IGF2R: variants seen among roughly 807,000 people sequenced by gnomAD.
IGF2R encodes insulin like growth factor 2 receptor.
Under a neutral mutation model 270.6 loss-of-function variants are expected in IGF2R, and 91 were observed. The ratio of observed to expected loss-of-function variants is 0.34; its 90% CI spans 0.28 to 0.40. IGF2R has a LOEUF of 0.40. IGF2R is among the 10% of genes least tolerant of loss of function. The pLI is 1.00. For missense variants in IGF2R, 2,805 were observed against 3,188.3 expected (o/e 0.88, Z 2.90); for synonymous variants, 1,316 against 1,258.9 (o/e 1.05, Z -0.96).
Position 160,064,513 on chromosome 6 carries a change from T to C in IGF2R, c.3999T>C (p.Cys1333=). 1 of 1,614,184 alleles carries C rather than the reference T, an allele frequency of 6.2e-7. No individual in the cohort carries two copies. The highest frequency in any genetic ancestry group is 8.5e-7 in the Non-Finnish European group (1 of 1,180,026). ...GCTCCACAGCCATCTTCTTCTACTG[T>C]GACCGCGGCACCCAGCGGGTGAGCA... ...YQRSTAIFFY[C]DRGTQRPVFL... is the part of the protein sequence containing the mutation. Residue 1333 remains cysteine, a synonymous_variant, in exon 28 of 48, where the codon TGT becomes TGC. Transcript: ENST00000356956.
At chr6:160,003,781 A>G (rs1321976956) in intron 2 of IGF2R, 5 of 152,192 alleles carry the variant, frequency 3.3e-5, no homozygotes, top group Non-Finnish European at 5.9e-5. Flanking sequence ...GAAAAAAGCA[A>G]TGGCTAAGTA....
intron 2 of IGF2R, among the ~76,000 whole-genome samples, chr6:160,002,832 A>G (rs1311656549): frequency 1.3e-5 from 2 of 152,206 alleles, no homozygotes; most frequent in African/African-American, 2.4e-5. Context: ...TTTGGATTGG[A>G]GTTATATTAA....
intron 10 of IGF2R, among the ~76,000 whole-genome samples, chr6:160,036,087 G>A (rs1295283236): frequency 6.6e-6 from 1 of 152,180 alleles, no homozygotes; most frequent in East Asian, 1.9e-4. Flanking sequence ...GTGCAGTATT[G>A]TAAGAAACTT....
In IGF2R at chr6:160,109,074, C is replaced by A. The variant is rs1779688042; in HGVS notation, c.*3990C>A. ...CCTTTTATGCTATCTTGTAGTTTGA[C>A]CAGTTTGCAAAACAAATTGAATAAA... On this transcript the variant is annotated 3_prime_UTR_variant, in exon 48 of 48. Coordinates refer to ENST00000356956, the MANE Select transcript of IGF2R (RefSeq NM_000876.4). 1 of 152,180 alleles carries A rather than the reference C, an allele frequency of 6.6e-6. No homozygotes were observed. The highest frequency in any genetic ancestry group is 6.5e-5 in the Admixed American group (1 of 15,290). 9.4% of individuals were successfully genotyped at this position (152,180 alleles called of 1,614,324 possible).
In IGF2R at chr6:160,068,345, C is replaced by A. The variant is rs1317300065; in HGVS notation, c.4212C>A (p.Leu1404=). 1 of 1,614,264 alleles carries A rather than the reference C, an allele frequency of 6.2e-7. No individual in the cohort carries two copies. The highest frequency in any genetic ancestry group is 1.1e-5 in the South Asian group (1 of 91,084). Residue 1404 remains leucine, a synonymous_variant, in exon 30 of 48, where the codon CTC becomes CTA. Coordinates refer to ENST00000356956, the MANE Select transcript of IGF2R (RefSeq NM_000876.4). ...GGACGGGGGACCCGGAGCACTACCT[C>A]ATCAATGTCTGCAAGTCTCTGGCCC... ...ITGTGDPEHY[L]INVCKSLAPQ... is the part of the protein sequence containing the mutation.
At position 159,969,144 on chromosome 6, in the gene IGF2R, C is replaced by A; in HGVS notation, c.-103C>A. ...TCACCTCGGGCTCCCGCTCCGTCTC[C>A]ACCTCCGCCTTTGCCCTGGCGGCGC... On this transcript the variant is annotated 5_prime_UTR_variant, in exon 1 of 48. Coordinates refer to ENST00000356956, the MANE Select transcript of IGF2R (RefSeq NM_000876.4). 1 of 648,268 alleles carries A rather than the reference C, an allele frequency of 1.5e-6. No homozygotes were observed. Among genetic ancestry groups the A allele is most frequent in the Non-Finnish European group, 1.9e-6 (1 of 523,028 alleles). 40.2% of individuals were successfully genotyped at this position (648,268 alleles called of 1,614,324 possible).
intron 45 of IGF2R, among the ~76,000 whole-genome samples, chr6:160,098,962 G>A (rs1469042991): frequency 6.6e-6 from 1 of 152,190 alleles, no homozygotes; most frequent in South Asian, 2.1e-4. Flanking sequence ...TTGACTTCCT[G>A]CAATAGTAGA....
intron 1 of IGF2R, among the ~76,000 whole-genome samples, chr6:159,987,091 T>C (rs1291542616): frequency 6.6e-6 from 1 of 152,240 alleles, no homozygotes; most frequent in Non-Finnish European, 1.5e-5. Flanking sequence ...ATTTTAAGAA[T>C]GATTTTAGCT....
intron 14 of IGF2R, among the ~76,000 whole-genome samples, chr6:160,046,203 C>T (rs1778065710): frequency 6.6e-6 from 1 of 152,210 alleles, no homozygotes. Flanking sequence ...TAATATCATG[C>T]TCGTCCTACT....
intron 35 of IGF2R, among the ~76,000 whole-genome samples, chr6:160,075,126 A>T (rs1364396368): frequency 1.3e-5 from 2 of 149,780 alleles, no homozygotes; most frequent in Admixed American, 6.8e-5. Flanking sequence ...ATGCACACAC[A>T]CGTGCATGCA....
rs546305033 is a variant in IGF2R at position 160,084,684 on chromosome 6, G to A, written c.6069-311G>A. On this transcript the variant is annotated intron_variant, in intron 40 of 47. Transcript: ENST00000356956. The surrounding 1 kb of genome is among the most constrained non-coding windows in gnomAD (Gnocchi z 4.6). ...TTCTAAGTGAGGTGGGAAACTTGCC[G>A]AGATTCTAGCCACTGCCTCTCCCAG... Among the ~76,000 whole-genome samples, 4 of 152,180 alleles carry A rather than the reference G, an allele frequency of 2.6e-5. 1 individual carries two copies. The South Asian group carries it at 6.2e-4, about 24-fold the overall frequency.
Position 160,061,515 on chromosome 6 carries a change from A to G in IGF2R, c.3275A>G (p.Asn1092Ser). 2.5e-6 allele frequency: 4 copies of G among 1,613,898 alleles called. No individual in the cohort carries two copies. The highest frequency in any genetic ancestry group is 3.4e-6 in the Non-Finnish European group (4 of 1,179,920). Reference protein sequence around the residue: ...VDCQVTDLAGNEYDLTGLSTV... With the variant: ...VDCQVTDLAGSEYDLTGLSTV... ...TGTTGTGTTTCAGACCTGGCTGGAAATGAGTACGACCTGACTGGCCTAAGC... is the reference window on the plus strand; with the variant it reads ...TGTTGTGTTTCAGACCTGGCTGGAAGTGAGTACGACCTGACTGGCCTAAGC... Residue 1092 changes from asparagine to serine, a missense_variant, in exon 24 of 48, where the codon AAT (asparagine) becomes AGT (serine). Transcript: ENST00000356956.
rs886102118 is a variant in IGF2R, at chr6:160,050,187, A to G, written c.2515-286A>G. Among the ~76,000 whole-genome samples, 7 of 152,232 alleles carry G rather than the reference A, an allele frequency of 4.6e-5. No individual in the cohort carries two copies. The highest frequency in any genetic ancestry group is 7.3e-5 in the Non-Finnish European group (5 of 68,042). On this transcript the variant is annotated intron_variant, in intron 18 of 47. Coordinates refer to ENST00000356956, the MANE Select transcript of IGF2R (RefSeq NM_000876.4). This position sits in a 1 kb window ranked among gnomAD's most constrained non-coding sequence, Gnocchi z 4.0. The stretch of plus-strand genomic sequence containing the variant: ...AATGCCAGTGATTCTTTCTGTAGCA[A>G]TAATGGGGATGTGACTAGTATCTAG...
At chr6:159,990,374 C>T (rs535114396) in intron 1 of IGF2R, among the ~76,000 whole-genome samples, 52 of 152,240 alleles carry the variant, frequency 3.4e-4, no homozygotes, top group South Asian at 2.9e-3. Flanking sequence ...TGAGTTCTCA[C>T]GAGATCTGAT....
intron 2 of IGF2R, 97 bp downstream of exon 2, chr6:159,991,420 A>T: frequency 2.0e-6 from 2 of 986,736 alleles, no homozygotes; most frequent in Non-Finnish European, 1.5e-6. Flanking sequence ...CGATACAAAA[A>T]TTTTGAATGT....
chr6:160,040,294 C>G (rs1405241767), intron 10 of IGF2R, among the ~76,000 whole-genome samples: 2 of 152,162 alleles, frequency 1.3e-5, no homozygotes, highest in Non-Finnish European at 2.9e-5. Context: ...TTAATCTTAT[C>G]TTTGGAGATG....
intron 27 of IGF2R, 33 bp downstream of exon 27, chr6:160,063,663 A>G (rs1778492785): frequency 6.6e-7 from 1 of 1,512,312 alleles, no homozygotes; most frequent in Non-Finnish European, 9.1e-7. Context: ...TTTTGTTGCA[A>G]AGGAATGGAA....
intron 46 of IGF2R, 56 bp from the exon 47 acceptor site, chr6:160,103,690 C>A: frequency 2.3e-6 from 3 of 1,307,346 alleles, no homozygotes; most frequent in Non-Finnish European, 3.3e-6. Context: ...GGGGGTGGGG[C>A]TCCTGCCCAT....
At chr6:159,976,010 G>T (rs1783687981) in intron 1 of IGF2R, among the ~76,000 whole-genome samples, 1 of 151,770 alleles carries the variant, frequency 6.6e-6, no homozygotes, top group African/African-American at 2.4e-5. Context: ...TTTGTGGAAG[G>T]AGCTAGTTAG....
Sources: gnomAD v4.1 joint callset for allele counts (sites outside exome capture counted in the v4.1 genomes callset) on GRCh38, gnomAD v4.1.1 for gene constraint, Gnocchi (gnomAD v3.1) non-coding constraint, MANE v1.5 for transcripts, NCBI Gene and HGNC (gene_info 2026-07-23, HGNC 2026-07-21) for gene names.